RBFOX1: variants seen among roughly 807,000 people sequenced by gnomAD.
The protein encoded by RBFOX1 is RNA binding protein fox-1 homolog 1.
A neutral mutation model predicts 57.7 loss-of-function variants in RBFOX1; 8 were observed. That is an observed-to-expected ratio of 0.14 (90% confidence interval 0.08 to 0.25). The LOEUF is 0.25. RBFOX1 is among the 10% of genes least tolerant of loss of function. RBFOX1 has a pLI of 1.00. For synonymous variants in RBFOX1, 326 were observed against 222.4 expected, an observed-to-expected ratio of 1.47 and a Z score of -4.15; for missense variants, 611 against 548.5, an observed-to-expected ratio of 1.11 and a Z score of -1.14.
chr16:7,190,162 A>T (rs1007663634), intron 4 of RBFOX1, among the ~76,000 whole-genome samples: 10 of 152,114 alleles, frequency 6.6e-5, no homozygotes, highest in African/African-American at 2.4e-4. Context: ...GGAGTTCGAG[A>T]CCAGCCTTGC....
chr16:6,075,091 A>T (rs984285890), intron 1 of RBFOX1, among the ~76,000 whole-genome samples: 2 of 152,246 alleles, frequency 1.3e-5, no homozygotes, highest in African/African-American at 2.4e-5. Flanking sequence ...AATAATAAAG[A>T]ATATCCCTGC....
At chr16:6,892,733 C>T (rs1567747041) in intron 3 of RBFOX1, among the ~76,000 whole-genome samples, 3 of 149,096 alleles carry the variant, frequency 2.0e-5, no homozygotes, top group Admixed American at 6.7e-5. Flanking sequence ...TGTTAGGAAG[C>T]AGAAGTATCA....
intron 4 of RBFOX1, among the ~76,000 whole-genome samples, chr16:7,227,272 CCACACACACCCCACCCCACCCCCACA>C (rs2152891610): frequency 1.5e-5 from 2 of 129,036 alleles, no homozygotes; most frequent in South Asian, 6.2e-4. Context: ...CTGTCACATA[CCACACACACCCCACCCCACCCCCACA>C]CACACACACA....
intron 4 of RBFOX1, among the ~76,000 whole-genome samples, chr16:7,116,417 C>T (rs1453274022): frequency 6.6e-6 from 1 of 152,102 alleles, no homozygotes. Context: ...AGCAATATTG[C>T]AGTGAAATGC....
chr16:7,380,458 A>G (rs749920166), intron 4 of RBFOX1, among the ~76,000 whole-genome samples: 10 of 152,226 alleles, frequency 6.6e-5, no homozygotes, highest in East Asian at 1.9e-4. Flanking sequence ...AGGCTTTTCA[A>G]TGTTGGCACA....
intron 3 of RBFOX1, among the ~76,000 whole-genome samples, chr16:6,823,238 T>G (rs2091614168): frequency 6.6e-6 from 1 of 151,834 alleles, no homozygotes. Context: ...CCATCTGAAA[T>G]TGTTTTGTTT....
chr16:7,388,555 T>C (rs1417218265), intron 4 of RBFOX1, among the ~76,000 whole-genome samples: 2 of 150,280 alleles, frequency 1.3e-5, no homozygotes, highest in Admixed American at 6.7e-5. Context: ...AAAAGAAAGA[T>C]AACAACCCTT....
At chr16:6,184,006 G>T (rs996926651) in intron 1 of RBFOX1, among the ~76,000 whole-genome samples, 15 of 152,182 alleles carry the variant, frequency 9.9e-5, no homozygotes, top group African/African-American at 3.6e-4. Context: ...AGTTCCACAT[G>T]GCTGGGGAGA....
chr16:7,232,282 C>A (rs1046364709), intron 4 of RBFOX1, among the ~76,000 whole-genome samples: 1 of 152,074 alleles, frequency 6.6e-6, no homozygotes, highest in Non-Finnish European at 1.5e-5. Flanking sequence ...GGTTAACAAC[C>A]ACCACAACAA....
At chr16:7,046,472 C>T (rs1486698071) in intron 3 of RBFOX1, among the ~76,000 whole-genome samples, 1 of 152,028 alleles carries the variant, frequency 6.6e-6, no homozygotes, top group Admixed American at 6.6e-5. Flanking sequence ...TTTATACATA[C>T]ATTAAAATAT....
chr16:7,434,162 C>T (rs901534682), intron 4 of RBFOX1, among the ~76,000 whole-genome samples: 1 of 151,728 alleles, frequency 6.6e-6, no homozygotes, highest in Non-Finnish European at 1.5e-5. Context: ...AGATGACAGA[C>T]ATGTGGTGGT....
rs115686788 is a variant in RBFOX1, at chr16:7,141,844, T to C, written c.27+89746T>C. Among the ~76,000 whole-genome samples, 177 of 152,296 alleles carry C rather than the reference T, an allele frequency of 1.2e-3. 1 individual carries two copies. Among genetic ancestry groups the C allele is most frequent in the African/African-American group, 4.1e-3 (170 of 41,572 alleles). On this transcript the variant is annotated intron_variant, in intron 4 of 15. Coordinates refer to ENST00000550418, the MANE Select transcript of RBFOX1 (RefSeq NM_018723.4). ...GCCTTCTGACTGGACACCATGCTAC[T>C]GCTCTTGTTTCTTCTCACCTATTCT...
intron 2 of RBFOX1, among the ~76,000 whole-genome samples, chr16:6,361,660 T>C (rs943049784): frequency 1.3e-5 from 2 of 150,808 alleles, no homozygotes; most frequent in Non-Finnish European, 2.9e-5. Flanking sequence ...GGTCAATCAT[T>C]CTTAAAGCTG....
At position 6,429,339 on chromosome 16, in the gene RBFOX1, T is replaced by C. The variant is rs560320686; in HGVS notation, c.-64+112282T>C. On this transcript the variant is annotated intron_variant, in intron 2 of 15. Transcript: ENST00000550418. Reference sequence around the variant, plus strand: ...CCCACCACTGCTGCTGCAGGGTTTCTTGTTGACCCTAGGGGCTAGCCCCTT... The same window carrying C: ...CCCACCACTGCTGCTGCAGGGTTTCCTGTTGACCCTAGGGGCTAGCCCCTT... 6.6e-5 allele frequency among the ~76,000 whole-genome samples: 10 copies of C among 152,358 alleles called. No individual in the cohort carries two copies. In the South Asian group the frequency reaches 2.1e-3, roughly 32 times the overall value.
chr16:5,822,501 A>T (rs2055891597), intron 3 of RBFOX1, among the ~76,000 whole-genome samples: 1 of 152,212 alleles, frequency 6.6e-6, no homozygotes, highest in African/African-American at 2.4e-5. Flanking sequence ...CACTAATAAT[A>T]GTAATAAATA....
intron 3 of RBFOX1, among the ~76,000 whole-genome samples, chr16:5,796,870 A>G (rs921812956): frequency 2.0e-5 from 3 of 152,282 alleles, no homozygotes; most frequent in African/African-American, 7.2e-5. Flanking sequence ...TCATTCATCA[A>G]TTCATTGTTT....
intron 4 of RBFOX1, among the ~76,000 whole-genome samples, chr16:7,244,811 C>A (rs546553189): frequency 8.5e-5 from 13 of 152,280 alleles, no homozygotes; most frequent in Admixed American, 7.2e-4. Context: ...ATATGGCTGT[C>A]TTGGTTTTGT....
chr16:5,408,721 G>T (rs2066929623), intron 1 of RBFOX1, among the ~76,000 whole-genome samples: 1 of 152,212 alleles, frequency 6.6e-6, no homozygotes, highest in Non-Finnish European at 1.5e-5. Flanking sequence ...CAGCTTCTGG[G>T]GAGGCCTCAG....
intron 2 of RBFOX1, among the ~76,000 whole-genome samples, chr16:6,579,999 C>A (rs1033561009): frequency 6.6e-5 from 10 of 152,004 alleles, no homozygotes; most frequent in African/African-American, 2.4e-4. Context: ...TGCTCTGTCG[C>A]CCAGGCTGGA....
Sources: gnomAD v4.1 joint callset for allele counts (sites outside exome capture counted in the v4.1 genomes callset) on GRCh38, gnomAD v4.1.1 for gene constraint, MANE v1.5 for transcripts, NCBI Gene and HGNC (gene_info 2026-07-23, HGNC 2026-07-21) for gene names.